Variants in RGS6 observed in about 807,000 individuals in gnomAD.
RGS6 encodes the protein regulator of G-protein signaling 6.
In RGS6, 30 loss-of-function variants were observed where a neutral mutation model predicts 78.5. The ratio of observed to expected loss-of-function variants is 0.38; its 90% confidence interval spans 0.29 to 0.52. RGS6 has a LOEUF of 0.52. Among genes scored for constraint, RGS6 ranks in the 20% least tolerant of loss-of-function variants. The pLI, the probability that RGS6 is intolerant of heterozygous loss-of-function variation, is 0.85. For synonymous variants in RGS6, 206 were observed against 206.0 expected, an observed-to-expected ratio of 1.00 and a Z score of 0.00; for missense variants, 495 against 609.7, an observed-to-expected ratio of 0.81 and a Z score of 1.98.
chr14:72,569,890 C>T (rs948106276), downstream of RGS6, among the ~76,000 whole-genome samples: 1 of 152,170 alleles, frequency 6.6e-6, no homozygotes, highest in Non-Finnish European at 1.5e-5. Context: ...CAGAGCTTAG[C>T]GTCTAGGTCA....
At chr14:71,994,856 G>A (rs1003505997) in intron 2 of RGS6, among the ~76,000 whole-genome samples, 6 of 152,196 alleles carry the variant, frequency 3.9e-5, no homozygotes, top group Admixed American at 1.3e-4. Flanking sequence ...ACTGTGGGAC[G>A]ATACATTTCT....
At chr14:71,887,240 A>G in the RGS6 span, among the ~76,000 whole-genome samples, 2 of 152,352 alleles carry the variant, frequency 1.3e-5, no homozygotes, top group Non-Finnish European at 2.9e-5. Context: ...ACGTCACCTC[A>G]GGACCACTGT....
chr14:72,514,257 TC>T (rs1170568898), intron 14 of RGS6, among the ~76,000 whole-genome samples: 1 of 152,208 alleles, frequency 6.6e-6, no homozygotes, highest in Non-Finnish European at 1.5e-5. Flanking sequence ...AGAAACACTT[TC>T]TTCTCTCCTG....
chr14:71,939,763 CCAAATGGGAGAGT>C (rs1201946481), intron 1 of RGS6, among the ~76,000 whole-genome samples: 2 of 152,224 alleles, frequency 1.3e-5, no homozygotes, highest in East Asian at 1.9e-4. Context: ...TCTGCACAGG[CCAAATGGGAGAGT>C]CAAATGGGAA....
the RGS6 span, among the ~76,000 whole-genome samples, chr14:72,583,785 C>T: frequency 6.6e-6 from 1 of 152,174 alleles, no homozygotes; most frequent in East Asian, 1.9e-4. Flanking sequence ...GGTGGCCACC[C>T]ATATGGTGCC....
At chr14:72,380,617 A>G (rs986743805) in intron 3 of RGS6, among the ~76,000 whole-genome samples, 4 of 152,158 alleles carry the variant, frequency 2.6e-5, no homozygotes, top group African/African-American at 9.6e-5. Flanking sequence ...CAAAACCACA[A>G]TGAGGTATCA....
intron 12 of RGS6, among the ~76,000 whole-genome samples, chr14:72,484,527 G>C (rs984199984): frequency 1.3e-5 from 2 of 151,154 alleles, no homozygotes; most frequent in African/African-American, 2.5e-5. Flanking sequence ...AGTTTTGTGT[G>C]GTTTTTTTTT....
At chr14:72,240,887 G>C (rs192835808) in intron 2 of RGS6, among the ~76,000 whole-genome samples, 11 of 152,206 alleles carry the variant, frequency 7.2e-5, no homozygotes, top group Non-Finnish European at 1.3e-4. Flanking sequence ...GGCCAGGCGC[G>C]GTGGCTCACC....
chr14:72,121,442 A>G (rs1460299118), intron 2 of RGS6, among the ~76,000 whole-genome samples: 1 of 152,174 alleles, frequency 6.6e-6, no homozygotes, highest in East Asian at 1.9e-4. Flanking sequence ...AGGAATGCCA[A>G]CTGCCCACAC....
chr14:72,305,755 C>G (rs1266410435), intron 2 of RGS6, among the ~76,000 whole-genome samples: 1 of 152,162 alleles, frequency 6.6e-6, no homozygotes, highest in Non-Finnish European at 1.5e-5. Context: ...CATAACCCTA[C>G]AATGGCTTCT....
chr14:72,031,625 C>G (rs2090909051), intron 2 of RGS6, among the ~76,000 whole-genome samples: 2 of 152,212 alleles, frequency 1.3e-5, no homozygotes, highest in Admixed American at 6.5e-5. Flanking sequence ...TGCACAGGCA[C>G]TCACAGTCAC....
At chr14:71,974,866 G>A (rs188413792) in intron 2 of RGS6, among the ~76,000 whole-genome samples, 1 of 152,322 alleles carries the variant, frequency 6.6e-6, no homozygotes, top group African/African-American at 2.4e-5. Flanking sequence ...TTTGGGCCAG[G>A]CACGTTGGCT....
intron 2 of RGS6, among the ~76,000 whole-genome samples, chr14:72,143,378 A>G (rs2096566465): frequency 6.6e-6 from 1 of 152,132 alleles, no homozygotes. Context: ...ATCTCAAAAA[A>G]AAACACAAAA....
chr14:72,362,835 G>A (rs544242391), intron 3 of RGS6, among the ~76,000 whole-genome samples: 15 of 152,288 alleles, frequency 9.8e-5, no homozygotes, highest in African/African-American at 2.2e-4. Flanking sequence ...TGGGAGACAC[G>A]ATTCATTGGA....
At chr14:72,171,485 T>A (rs1404087887) in intron 2 of RGS6, among the ~76,000 whole-genome samples, 3 of 152,230 alleles carry the variant, frequency 2.0e-5, no homozygotes, top group Non-Finnish European at 4.4e-5. Context: ...CTCAAGGCGT[T>A]GAAAACATAA....
chr14:72,481,665 C>T (rs1174193160), intron 12 of RGS6, among the ~76,000 whole-genome samples: 1 of 152,186 alleles, frequency 6.6e-6, no homozygotes, highest in Non-Finnish European at 1.5e-5. Context: ...ATTTCCTAGG[C>T]TGCCTTTTGC....
chr14:72,601,702 G>A, the RGS6 span, among the ~76,000 whole-genome samples: 27 of 152,144 alleles, frequency 1.8e-4, no homozygotes, highest in Admixed American at 9.8e-4. Context: ...ACTGTATCCC[G>A]TAAATATGTA....
intron 2 of RGS6, among the ~76,000 whole-genome samples, chr14:72,146,108 G>A (rs760194900): frequency 1.1e-4 from 17 of 152,154 alleles, no homozygotes; most frequent in Admixed American, 3.3e-4. Flanking sequence ...GGGCAGGAAA[G>A]CAAGAGAGCA....
At chr14:72,287,624 T>A (rs1468356828) in intron 2 of RGS6, among the ~76,000 whole-genome samples, 2 of 151,754 alleles carry the variant, frequency 1.3e-5, no homozygotes, top group African/African-American at 4.8e-5. Flanking sequence ...GCCTGGCTAA[T>A]TTTTTGTATT....
Sources: gnomAD v4.1 joint callset for allele counts (sites outside exome capture counted in the v4.1 genomes callset) on GRCh38, gnomAD v4.1.1 for gene constraint, MANE v1.5 for transcripts, NCBI Gene and HGNC (gene_info 2026-07-23, HGNC 2026-07-21) for gene names.